PCDH9: variants seen among roughly 807,000 people sequenced by gnomAD.
PCDH9 encodes protocadherin 9.
PCDH9 carries 24 observed loss-of-function variants against 70.6 expected under a neutral mutation model. The ratio of observed to expected loss-of-function variants is 0.34; its 90% CI spans 0.25 to 0.48. The LOEUF (loss-of-function observed/expected upper bound fraction) is 0.48, where lower values mean the gene tolerates loss of function less well. Ranked by LOEUF, PCDH9 falls within the 20% of genes least tolerant of loss-of-function variation. The probability of loss-of-function intolerance (pLI) is 0.99; values close to 1 mark genes in which losing one functional copy is unlikely to be tolerated. For missense variants in PCDH9, 1,281 were observed against 1,503.6 expected (o/e 0.85, Z 2.45); for synonymous variants, 562 against 558.5 (o/e 1.01, Z -0.09).
chr13:67,083,492 CAG>C (rs2086028878), intron 2 of PCDH9, among the ~76,000 whole-genome samples: 1 of 152,094 alleles, frequency 6.6e-6, no homozygotes, highest in Non-Finnish European at 1.5e-5. Context: ...AATGTATAAA[CAG>C]AGAATTACAG....
chr13:66,625,107 T>G (rs2077481391), intron 4 of PCDH9, among the ~76,000 whole-genome samples: 1 of 150,332 alleles, frequency 6.7e-6, no homozygotes, highest in African/African-American at 2.4e-5. Context: ...GTTTCTTTTA[T>G]AAACTCTTCA....
chr13:66,594,691 G>T (rs1176743913), intron 4 of PCDH9, among the ~76,000 whole-genome samples: 2 of 151,256 alleles, frequency 1.3e-5, no homozygotes, highest in African/African-American at 2.4e-5. Flanking sequence ...AGTGTGTGTT[G>T]TTCCCCTCCC....
intron 2 of PCDH9, among the ~76,000 whole-genome samples, chr13:66,983,077 ATAGT>A (rs1339643343): frequency 6.6e-6 from 1 of 152,150 alleles, no homozygotes; most frequent in African/African-American, 2.4e-5. Flanking sequence ...GTAGAAGCTC[ATAGT>A]TAGGAATCAA....
At chr13:66,776,289 C>T (rs989607236) in intron 3 of PCDH9, among the ~76,000 whole-genome samples, 3 of 150,268 alleles carry the variant, frequency 2.0e-5, no homozygotes, top group Non-Finnish European at 3.0e-5. Context: ...GGCAATCAGG[C>T]AGGAGAAGGA....
At chr13:66,978,811 T>G (rs897061096) in intron 2 of PCDH9, among the ~76,000 whole-genome samples, 2 of 49,460 alleles carry the variant, frequency 4.0e-5, no homozygotes, top group African/African-American at 1.2e-4. Flanking sequence ...AATGTATGTA[T>G]ATATGTGTGT....
chr13:66,570,045 A>G (rs1443481541), intron 4 of PCDH9, among the ~76,000 whole-genome samples: 1 of 152,192 alleles, frequency 6.6e-6, no homozygotes, highest in East Asian at 1.9e-4. Flanking sequence ...GACTCAAAGA[A>G]CTGCTATTAC....
At chr13:67,021,325 C>T (rs996740349) in intron 2 of PCDH9, among the ~76,000 whole-genome samples, 1 of 152,120 alleles carries the variant, frequency 6.6e-6, no homozygotes, top group African/African-American at 2.4e-5. Flanking sequence ...TGCCTGAGCA[C>T]CAAGTACTCA....
chr13:66,806,362 A>G (rs1362257953), intron 3 of PCDH9, among the ~76,000 whole-genome samples: 1 of 152,136 alleles, frequency 6.6e-6, no homozygotes, highest in Non-Finnish European at 1.5e-5. Context: ...GGATTGGAAG[A>G]TATTTGAATA....
chr13:66,449,365 C>T (rs140206489), intron 4 of PCDH9, among the ~76,000 whole-genome samples: 1,998 of 152,240 alleles, frequency 0.013, 46 homozygotes, highest in African/African-American at 0.046. Context: ...CTCATTATAA[C>T]GTCTTCCTGT....
chr13:66,678,635 T>C (rs941037529), intron 3 of PCDH9, among the ~76,000 whole-genome samples: 1 of 152,010 alleles, frequency 6.6e-6, no homozygotes, highest in African/African-American at 2.4e-5. Context: ...AAACATGTCT[T>C]ACATGCTTAA....
intron 2 of PCDH9, among the ~76,000 whole-genome samples, chr13:67,026,304 C>A (rs2084779866): frequency 6.6e-6 from 1 of 152,096 alleles, no homozygotes; most frequent in African/African-American, 2.4e-5. Context: ...GTCTAAAATT[C>A]TCTTTTTTGG....
chr13:66,430,870 G>A (rs1477943082), intron 4 of PCDH9, among the ~76,000 whole-genome samples: 1 of 152,068 alleles, frequency 6.6e-6, no homozygotes, highest in Non-Finnish European at 1.5e-5. Flanking sequence ...CTCTTCCAAA[G>A]TTGGAGATAA....
intron 2 of PCDH9, among the ~76,000 whole-genome samples, chr13:66,971,658 A>G (rs565751092): frequency 1.1e-4 from 16 of 152,140 alleles, no homozygotes; most frequent in Admixed American, 5.9e-4. Context: ...TCTAATGCAC[A>G]CTGGAACAGG....
chr13:66,457,619 TAATTAAATCAG>T (rs1958343590), intron 4 of PCDH9, among the ~76,000 whole-genome samples: 1 of 152,020 alleles, frequency 6.6e-6, no homozygotes, highest in Admixed American at 6.6e-5. Context: ...CACCCCATAA[TAATTAAATCAG>T]AATGTCTGGA....
At chr13:66,946,531 T>G (rs1009004747) in intron 2 of PCDH9, among the ~76,000 whole-genome samples, 1 of 152,054 alleles carries the variant, frequency 6.6e-6, no homozygotes, top group African/African-American at 2.4e-5. Flanking sequence ...TTTTATAGTA[T>G]ATACAAAAAT....
At chr13:67,155,578 A>AT (rs1281634418) in intron 2 of PCDH9, among the ~76,000 whole-genome samples, 1 of 152,094 alleles carries the variant, frequency 6.6e-6, no homozygotes, top group Non-Finnish European at 1.5e-5. Flanking sequence ...CCATGACGTG[A>AT]TTTTTTAAAA....
intron 4 of PCDH9, among the ~76,000 whole-genome samples, chr13:66,504,927 C>A (rs1959196223): frequency 6.6e-6 from 1 of 152,174 alleles, no homozygotes; most frequent in African/African-American, 2.4e-5. Flanking sequence ...CACATAAATT[C>A]AAACTCCTTA....
intron 4 of PCDH9, among the ~76,000 whole-genome samples, chr13:66,618,292 T>C (rs975308030): frequency 6.6e-6 from 1 of 152,184 alleles, no homozygotes; most frequent in Non-Finnish European, 1.5e-5. Context: ...CTGTATCTCA[T>C]CTGGCAGCCT....
chr13:66,462,045 G>T (rs1958433897), intron 4 of PCDH9, among the ~76,000 whole-genome samples: 1 of 151,654 alleles, frequency 6.6e-6, no homozygotes, highest in Non-Finnish European at 1.5e-5. Flanking sequence ...AGAGCCAATT[G>T]TTTAATAACT....
Sources: gnomAD v4.1 joint callset for allele counts (sites outside exome capture counted in the v4.1 genomes callset) on GRCh38, gnomAD v4.1.1 for gene constraint, MANE v1.5 for transcripts, NCBI Gene and HGNC (gene_info 2026-07-23, HGNC 2026-07-21) for gene names.